AGAP1: variants seen among roughly 807,000 people sequenced by gnomAD.
AGAP1 encodes ArfGAP with GTPase domain, ankyrin repeat and PH domain 1.
Under a neutral mutation model 105.3 loss-of-function variants are expected in AGAP1, and 29 were observed. The ratio of observed to expected loss-of-function variants is 0.28; its 90% CI spans 0.21 to 0.38. The LOEUF (loss-of-function observed/expected upper bound fraction) is 0.38. Ranked by LOEUF, AGAP1 falls within the 10% of genes least tolerant of loss-of-function variation. AGAP1 has a pLI of 1.00. For synonymous variants in AGAP1, 509 were observed against 485.9 expected (o/e 1.05, Z -0.63); for missense variants, 998 against 1,165.1 (o/e 0.86, Z 2.09).
chr2:235,653,496 AAATAT>A (rs1478495212), intron 1 of AGAP1, among the ~76,000 whole-genome samples: 1 of 107,762 alleles, frequency 9.3e-6, no homozygotes, highest in Non-Finnish European at 2.1e-5. Flanking sequence ...AAATAAAATA[AAATAT>A]AACATAACAT....
intron 9 of AGAP1, among the ~76,000 whole-genome samples, chr2:235,846,021 A>G (rs901819462): frequency 6.6e-6 from 1 of 151,942 alleles, no homozygotes; most frequent in Non-Finnish European, 1.5e-5. Context: ...AAAAATACTA[A>G]ATTAAAAAAA....
Position 235,566,894 on chromosome 2 carries a change from C to T in AGAP1, c.163+72045C>T, listed in dbSNP as rs1011585572. On this transcript the variant is annotated intron_variant, in intron 1 of 17. Coordinates refer to ENST00000304032, the MANE Select transcript of AGAP1 (RefSeq NM_001037131.3). This position sits in a 1 kb window ranked among gnomAD's most constrained non-coding sequence, Gnocchi z 5.2. ...TCAAGGTGTGCCCAGAGCTGTGCTC[C>T]CTCCAGAGGATAGAGCAGGATTCCT... Among the ~76,000 whole-genome samples, 5 of 152,218 alleles carry T rather than the reference C, an allele frequency of 3.3e-5. No individual in the cohort carries two copies. The highest frequency in any genetic ancestry group is 7.3e-5 in the Non-Finnish European group (5 of 68,042).
intron 1 of AGAP1, among the ~76,000 whole-genome samples, chr2:235,561,084 G>A (rs1166671411): frequency 6.6e-6 from 1 of 152,152 alleles, no homozygotes; most frequent in Non-Finnish European, 1.5e-5. Context: ...CTTGTGGCAG[G>A]AGCCTAGGGT....
At chr2:235,613,278 G>C (rs887488356) in intron 1 of AGAP1, among the ~76,000 whole-genome samples, 6 of 152,200 alleles carry the variant, frequency 3.9e-5, no homozygotes, top group African/African-American at 1.4e-4. Context: ...TTACAGGCCT[G>C]TGCCACTGCA....
At chr2:235,511,259 CTGG>C (rs997650780) in intron 1 of AGAP1, among the ~76,000 whole-genome samples, 4 of 151,846 alleles carry the variant, frequency 2.6e-5, no homozygotes, top group Admixed American at 2.6e-4. Flanking sequence ...AAGGATTACT[CTGG>C]TGCACGATTC....
At position 235,665,208 on chromosome 2, in the gene AGAP1, G is replaced by A. The variant is rs1347997960; in HGVS notation, c.164-43971G>A. 6.6e-6 allele frequency among the ~76,000 whole-genome samples: 1 copy of A among 152,156 alleles called. No individual in the cohort carries two copies. Among genetic ancestry groups the A allele is most frequent in the African/African-American group, 2.4e-5 (1 of 41,442 alleles). On this transcript the variant is annotated intron_variant, in intron 1 of 17. Transcript: ENST00000304032. The surrounding 1 kb of genome is among the most constrained non-coding windows in gnomAD (Gnocchi z 5.3). ...CTCTAGCCTGTCTGTGTGGTGGTGT[G>A]TTCATACACAATAGACATCGCCAGT... is the stretch of plus-strand genomic sequence containing the variant.
At chr2:235,849,431 G>A (rs1575609416) in intron 9 of AGAP1, among the ~76,000 whole-genome samples, 1 of 152,060 alleles carries the variant, frequency 6.6e-6, no homozygotes, top group South Asian at 2.1e-4. Flanking sequence ...CTCTATCGGA[G>A]TGGTGTAGAT....
chr2:235,601,816 C>T lies in AGAP1; in HGVS notation c.163+106967C>T, dbSNP rs1270431834. 1.3e-5 allele frequency among the ~76,000 whole-genome samples: 2 copies of T among 152,154 alleles called. No individual in the cohort carries two copies. The highest frequency in any genetic ancestry group is 2.9e-5 in the Non-Finnish European group (2 of 68,014). On this transcript the variant is annotated intron_variant, in intron 1 of 17. Transcript: ENST00000304032. This position sits in a 1 kb window ranked among gnomAD's most constrained non-coding sequence, Gnocchi z 4.4. ...GGGCAACCTCTTTTAAAGTTAATTA[C>T]TTCCCAGCAGGCCCTGTTTTTCTGG... is the stretch of plus-strand genomic sequence containing the variant.
rs184181716 is a variant in AGAP1, at chr2:236,119,415, T to C, written c.2115-777T>C. ...TGCATCTCCCTGCTAAACCTCCTCA[T>C]TGGAGTCTCCACCCTCTCCTGCGTG... On this transcript the variant is annotated intron_variant, in intron 16 of 17. Transcript: ENST00000304032. The surrounding 1 kb of genome is among the most constrained non-coding windows in gnomAD (Gnocchi z 6.6). Among the ~76,000 whole-genome samples, 344 of 152,318 alleles carry C rather than the reference T, an allele frequency of 2.3e-3. 5 individuals carry two copies. Among genetic ancestry groups the C allele is most frequent in the African/African-American group, 8.1e-3 (336 of 41,584 alleles).
chr2:235,797,853 T>C lies in AGAP1; in HGVS notation c.768T>C (p.Cys256=). ...LPNSPSHSSV[C]SAQVSAVHIS... is the part of the protein sequence containing the mutation. ...ATTCTCCCAGCCATTCCTCCGTCTG[T>C]TCCGCGCAGGTGTCTGCCGTGCACA... Residue 256 remains cysteine, a synonymous_variant, in exon 7 of 18, where the codon TGT becomes TGC. Transcript: ENST00000304032. 1 of 1,614,216 alleles carries C rather than the reference T, an allele frequency of 6.2e-7. No homozygotes were observed. Among genetic ancestry groups the C allele is most frequent in the South Asian group, 1.1e-5 (1 of 91,088 alleles).
chr2:235,714,365 C>T lies in AGAP1; in HGVS notation c.223-3192C>T, dbSNP rs907295663. The stretch of plus-strand genomic sequence containing the variant: ...TTTGGCTGGGAGTGTGGGGGTAGGA[C>T]GGGGAAGCACAAACATTCCTACCAT... On this transcript the variant is annotated intron_variant, in intron 2 of 17. Transcript: ENST00000304032. This position sits in a 1 kb window ranked among gnomAD's most constrained non-coding sequence, Gnocchi z 4.1. Among the ~76,000 whole-genome samples the T allele has an allele frequency of 2.0e-5, 3 of 151,840 alleles. No homozygotes were observed. Among genetic ancestry groups the T allele is most frequent in the African/African-American group, 2.4e-5 (1 of 41,380 alleles).
intron 1 of AGAP1, among the ~76,000 whole-genome samples, chr2:235,539,278 C>G (rs775713677): frequency 6.6e-6 from 1 of 152,204 alleles, no homozygotes; most frequent in African/African-American, 2.4e-5. Context: ...ATTATCATGG[C>G]CTTAGATATA....
chr2:235,903,165 A>G (rs943553718), intron 10 of AGAP1, among the ~76,000 whole-genome samples: 3 of 152,182 alleles, frequency 2.0e-5, no homozygotes, highest in Admixed American at 2.0e-4. Context: ...ATTTCTCAAC[A>G]TACATGTACA....
rs1157066506 is a variant in AGAP1, at chr2:235,893,920, A to G, written c.1155+10471A>G. Among the ~76,000 whole-genome samples, 1 of 152,080 alleles carries G rather than the reference A, an allele frequency of 6.6e-6. No individual in the cohort carries two copies. Among genetic ancestry groups the G allele is most frequent in the African/African-American group, 2.4e-5 (1 of 41,416 alleles). On this transcript the variant is annotated intron_variant, in intron 10 of 17. Coordinates refer to ENST00000304032, the MANE Select transcript of AGAP1 (RefSeq NM_001037131.3). The surrounding 1 kb of genome is among the most constrained non-coding windows in gnomAD (Gnocchi z 4.7). The stretch of plus-strand genomic sequence containing the variant: ...TTGTGGTATGATTGAGACTAACAGT[A>G]CTCACCATGTCTTACAACATGACCT...
rs1945690454 is a variant in AGAP1, at chr2:235,600,446, C to T, written c.163+105597C>T. ...TACTCCTGTAGATACCCCCTCATTA[C>T]AGACCCCCACCATCCCCGCTGGATT... On this transcript the variant is annotated intron_variant, in intron 1 of 17. Transcript: ENST00000304032. The surrounding 1 kb of genome is among the most constrained non-coding windows in gnomAD (Gnocchi z 4.8). Among the ~76,000 whole-genome samples the T allele has an allele frequency of 6.6e-6, 1 of 152,162 alleles. No homozygotes were observed. Among genetic ancestry groups the T allele is most frequent in the African/African-American group, 2.4e-5 (1 of 41,428 alleles).
rs1183671523 is a variant in AGAP1, at chr2:235,556,008, T to G, written c.163+61159T>G. Among the ~76,000 whole-genome samples, 1 of 152,214 alleles carries G rather than the reference T, an allele frequency of 6.6e-6. No homozygotes were observed. Among genetic ancestry groups the G allele is most frequent in the East Asian group, 1.9e-4 (1 of 5,182 alleles). ...GACCTATCTGCTGTGTCCTTGTGTTTCTGCCTGTGGGGCACGTGGGACATG... is the reference window on the plus strand; with the variant it reads ...GACCTATCTGCTGTGTCCTTGTGTTGCTGCCTGTGGGGCACGTGGGACATG... On this transcript the variant is annotated intron_variant, in intron 1 of 17. Coordinates refer to ENST00000304032, the MANE Select transcript of AGAP1 (RefSeq NM_001037131.3). The surrounding 1 kb of genome is among the most constrained non-coding windows in gnomAD (Gnocchi z 5.3).
rs749069896 is a variant in AGAP1, at chr2:236,045,426, G to A, written c.1892-3633G>A. Among the ~76,000 whole-genome samples the A allele has an allele frequency of 2.0e-5, 3 of 152,190 alleles. No homozygotes were observed. Among genetic ancestry groups the A allele is most frequent in the South Asian group, 2.1e-4 (1 of 4,828 alleles). Reference sequence around the variant, plus strand: ...GGGCAGTCACTGCTCTAAGTGCCTCGTAGCTTTTAATCCTTCTGACAGCCC... The same window carrying A: ...GGGCAGTCACTGCTCTAAGTGCCTCATAGCTTTTAATCCTTCTGACAGCCC... On this transcript the variant is annotated intron_variant, in intron 15 of 17. Coordinates refer to ENST00000304032, the MANE Select transcript of AGAP1 (RefSeq NM_001037131.3). This position sits in a 1 kb window ranked among gnomAD's most constrained non-coding sequence, Gnocchi z 6.9.
rs1156835361 is a variant in AGAP1 at position 235,732,508 on chromosome 2, G to A, written c.311-8455G>A. The stretch of plus-strand genomic sequence containing the variant: ...AGTCACACTGGAGTGGGAAGCGGTT[G>A]TAAGGGACTTCCTTCTGCTTTTTGA... On this transcript the variant is annotated intron_variant, in intron 3 of 17. Transcript: ENST00000304032. This position sits in a 1 kb window ranked among gnomAD's most constrained non-coding sequence, Gnocchi z 4.8. Among the ~76,000 whole-genome samples the A allele has an allele frequency of 2.0e-5, 3 of 152,084 alleles. No homozygotes were observed. The highest frequency in any genetic ancestry group is 7.2e-5 in the African/African-American group (3 of 41,386).
intron 9 of AGAP1, among the ~76,000 whole-genome samples, chr2:235,821,669 A>T (rs1407885431): frequency 6.6e-6 from 1 of 152,210 alleles, no homozygotes; most frequent in African/African-American, 2.4e-5. Context: ...ACAGCTATAA[A>T]AACCAGGAAA....
Sources: allele counts gnomAD v4.1 joint callset (sites outside exome capture counted in the v4.1 genomes callset), GRCh38; gene constraint gnomAD v4.1.1; non-coding constraint Gnocchi (gnomAD v3.1); transcripts MANE v1.5; gene names NCBI Gene and HGNC (gene_info 2026-07-23, HGNC 2026-07-21).